MAMSTR: variants seen among roughly 807,000 people sequenced by gnomAD.
The protein encoded by MAMSTR is MEF2 activating motif and SAP domain containing transcriptional regulator, also known as MEF2-activating motif and SAP domain-containing transcriptional regulator.
In MAMSTR, 41 loss-of-function variants were observed where a neutral mutation model predicts 42.7. That is an observed-to-expected ratio of 0.96 (90% confidence interval 0.75 to 1.25). The LOEUF is 1.25. Ranked by LOEUF, MAMSTR falls within the 50% of genes most tolerant of loss-of-function variation. The probability of loss-of-function intolerance (pLI) is 0.00; values close to 1 mark genes in which losing one functional copy is unlikely to be tolerated. For missense variants in MAMSTR, 567 were observed against 557.6 expected (o/e 1.02, Z -0.17); for synonymous variants, 265 against 244.1 (o/e 1.09, Z -0.80).
At chr19:48,715,237 G>T in intron 5 of MAMSTR, 25 bp downstream of exon 5, 5 of 1,559,314 alleles carry the variant, frequency 3.2e-6, no homozygotes, top group East Asian at 4.6e-5. Flanking sequence ...TCTGGGTCCC[G>T]GGAGAACAGA....
At position 48,714,464 on chromosome 19, in the gene MAMSTR, G is replaced by C. The variant is rs767878621; in HGVS notation, c.625C>G (p.Arg209Gly). Residue 209 changes from arginine (R) to glycine (G), a missense_variant, in exon 7 of 10, where the codon CGC becomes GGC. Coordinates refer to ENST00000318083, the MANE Select transcript of MAMSTR (RefSeq NM_001130915.2). ...TCGCGCCGCGGCTTCGGCCGCTCGC[G>C]GGGCGGCGCGCCGCCGCGCATGCGC... ...LERMRGGAPP[R>G]ERPKPRREDS... 1 of 1,357,200 alleles carries C rather than the reference G, an allele frequency of 7.4e-7. No individual in the cohort carries two copies. Among genetic ancestry groups the C allele is most frequent in the African/African-American group, 1.5e-5 (1 of 66,068 alleles). 84.1% of individuals were successfully genotyped at this position (1,357,200 alleles called of 1,614,324 possible).
In MAMSTR at chr19:48,714,020, C is replaced by T. The variant is rs761698803; in HGVS notation, c.749G>A (p.Arg250Lys). Reference protein sequence around the residue: ...GSVKPSAASHRPPLPRAADTP... With the variant: ...GSVKPSAASHKPPLPRAADTP... ...ATCCGCGGCACGTGGAAGAGGTGGCCTGTGAGATGCTGCGCTGGGCTTGAC... is the reference window on the plus strand; with the variant it reads ...ATCCGCGGCACGTGGAAGAGGTGGCTTGTGAGATGCTGCGCTGGGCTTGAC... The change falls in exon 8 of 10, where the codon AGG becomes AAG. Residue 250 changes from arginine to lysine, a missense_variant. Physicochemically the swap from Arg to Lys is conservative, Grantham distance 26 (BLOSUM62 2). Transcript: ENST00000318083. 8 of 1,601,588 alleles carry T rather than the reference C, an allele frequency of 5.0e-6. No individual in the cohort carries two copies. The highest frequency in any genetic ancestry group is 6.8e-6 in the Non-Finnish European group (8 of 1,174,504).
intron 2 of MAMSTR, among the ~76,000 whole-genome samples, chr19:48,718,539 C>T (rs530776458): frequency 6.6e-6 from 1 of 152,164 alleles, no homozygotes; most frequent in African/African-American, 2.4e-5. Context: ...AGGCATGCGC[C>T]ACCACACCCG....
Position 48,713,510 on chromosome 19 carries a change from G to C in MAMSTR, c.1005C>G (p.Phe335Leu), listed in dbSNP as rs564934597. 4.6e-5 allele frequency: 74 copies of C among 1,612,750 alleles called. No homozygotes were observed. The South Asian group carries it at 7.9e-4, about 17-fold the overall frequency. The change falls in exon 10 of 10, where the codon TTC (phenylalanine) becomes TTG (leucine). Residue 335 changes from phenylalanine to leucine, a missense_variant. Transcript: ENST00000318083. ...PPIPLDFPGS[F>L]DVLSPSPDSE... ...AGTCCGGGGAGGGGGACAGCACGTC[G>C]AAGGAGCCAGGGAAGTCCAGGGGAA...
chr19:48,714,428 C>G lies in MAMSTR; in HGVS notation c.661G>C (p.Ala221Pro). The G allele has an allele frequency of 7.2e-7, 1 of 1,383,232 alleles. No homozygotes were observed. Among genetic ancestry groups the G allele is most frequent in the Non-Finnish European group, 9.3e-7 (1 of 1,080,000 alleles). 85.7% of individuals were successfully genotyped at this position (1,383,232 alleles called of 1,614,324 possible). A position where few individuals can be genotyped will look rare whatever the true frequency, so the allele number is the denominator to read the frequency against. ...TTGAGGCGCGGCCAGGGAGCACCCG[C>G]GGGACTGTCCTCGCGCCGCGGCTTC... ...RPKPRREDSP[A>P]GAPWPRLKPK... is the part of the protein sequence containing the mutation. The change falls in exon 7 of 10, where the codon GCG becomes CCG. Residue 221 changes from alanine (A) to proline (P), a missense_variant. Coordinates refer to ENST00000318083, the MANE Select transcript of MAMSTR (RefSeq NM_001130915.2).
At chr19:48,716,675 C>A in intron 3 of MAMSTR, 30 bp downstream of exon 3, 1 of 1,330,428 alleles carries the variant, frequency 7.5e-7, no homozygotes, top group South Asian at 2.1e-5. Context: ...GGGGGGTCAC[C>A]ATCCCCTCCC....
chr19:48,709,242 G>A (rs915927819), downstream of MAMSTR, among the ~76,000 whole-genome samples: 2 of 151,994 alleles, frequency 1.3e-5, no homozygotes, highest in African/African-American at 2.4e-5. Context: ...TCCGCCTCCC[G>A]GATTCAAGTG....
downstream of MAMSTR, among the ~76,000 whole-genome samples, chr19:48,709,921 G>A (rs1212988898): frequency 2.0e-5 from 3 of 152,206 alleles, no homozygotes; most frequent in African/African-American, 7.2e-5. Context: ...CCAGGCTGGA[G>A]TGCAGTGGCG....
chr19:48,708,638 G>A (rs539787334), downstream of MAMSTR, among the ~76,000 whole-genome samples: 3 of 152,156 alleles, frequency 2.0e-5, no homozygotes, highest in Non-Finnish European at 4.4e-5. Context: ...CCACCAAGCC[G>A]GCTTCCTGGC....
At chr19:48,711,284 G>A (rs913415706), downstream of MAMSTR, among the ~76,000 whole-genome samples, 5 of 152,146 alleles carry the variant, frequency 3.3e-5, no homozygotes, top group Admixed American at 6.6e-5. Flanking sequence ...CGGGGGAGAG[G>A]CCACAGAGGA....
Position 48,713,192 on chromosome 19 carries a change from G to T in MAMSTR, c.*75C>A. The T allele has an allele frequency of 7.2e-7, 1 of 1,390,444 alleles. No homozygotes were observed. The highest frequency in any genetic ancestry group is 1.5e-5 in the South Asian group (1 of 68,270). 86.1% of individuals were successfully genotyped at this position (1,390,444 alleles called of 1,614,324 possible). A position where few individuals can be genotyped will look rare whatever the true frequency, so the allele number is the denominator to read the frequency against. The stretch of plus-strand genomic sequence containing the variant: ...GTCTGCGGTAGGAGGGGCTCTGCTG[G>T]TAGTTCCCTCTCCTCCCACAAGGAG... On this transcript the variant is annotated 3_prime_UTR_variant, in exon 10 of 10. Coordinates refer to ENST00000318083, the MANE Select transcript of MAMSTR (RefSeq NM_001130915.2).
At chr19:48,714,191 G>T in intron 7 of MAMSTR, 146 bp from the exon 8 acceptor site, 1 of 1,056,064 alleles carries the variant, frequency 9.5e-7, no homozygotes. Flanking sequence ...TCTTTCATTG[G>T]CTCCTCTTCT....
Position 48,713,536 on chromosome 19 carries a change from T to C in MAMSTR, c.979A>G (p.Ile327Val). 1 of 1,610,380 alleles carries C rather than the reference T, an allele frequency of 6.2e-7. No individual in the cohort carries two copies. The change falls in exon 10 of 10, where the codon ATT becomes GTT. Residue 327 changes from isoleucine to valine, a missense_variant. Ile to Val is a conservative substitution (Grantham distance 29). Coordinates refer to ENST00000318083, the MANE Select transcript of MAMSTR (RefSeq NM_001130915.2). ...QVEPDDPLPP[I>V]PLDFPGSFDV... is the part of the protein sequence containing the mutation. ...AAGGAGCCAGGGAAGTCCAGGGGAA[T>C]AGGGGGCAGGGGGTCTGCGGGATAA...
chr19:48,710,551 A>G (rs1443132939), downstream of MAMSTR, among the ~76,000 whole-genome samples: 5 of 150,704 alleles, frequency 3.3e-5, no homozygotes, highest in African/African-American at 4.9e-5. Flanking sequence ...CCTCCAGAGT[A>G]GCTGGGACTA....
downstream of MAMSTR, among the ~76,000 whole-genome samples, chr19:48,707,851 G>GAAAGAAAGA (rs1049527424): frequency 1.1e-5 from 1 of 88,288 alleles, no homozygotes; most frequent in African/African-American, 5.0e-5. Flanking sequence ...AAGAAAGAAA[G>GAAAGAAAGA]AAAGAAAGAA....
intron 2 of MAMSTR, 138 bp downstream of exon 2, chr19:48,718,836 C>A: frequency 1.2e-6 from 1 of 820,230 alleles, no homozygotes. Flanking sequence ...GACCCCTGTG[C>A]TTGGGCCTCC....
At chr19:48,711,559 G>GT (rs369222131), downstream of MAMSTR, among the ~76,000 whole-genome samples, 2 of 150,312 alleles carry the variant, frequency 1.3e-5, no homozygotes, top group Non-Finnish European at 3.0e-5. Flanking sequence ...GTGGGTTTTT[G>GT]TTGTTTGTTT....
chr19:48,714,261 G>A, intron 7 of MAMSTR, 105 bp downstream of exon 7: 2 of 1,078,400 alleles, frequency 1.9e-6, no homozygotes, highest in Non-Finnish European at 2.5e-6. Context: ...GCTTCCTACC[G>A]CTGGTCCTCG....
Position 48,718,978 on chromosome 19 carries a change from T to TC in MAMSTR, c.53dup (p.Ser19IlefsTer124). 4.5e-6 allele frequency: 7 copies of TC among 1,547,212 alleles called. No homozygotes were observed. Among genetic ancestry groups the TC allele is most frequent in the Non-Finnish European group, 6.1e-6 (7 of 1,144,452 alleles). ...ATAAAGAGAGCCCTCTCTCACCAGA[T>TC]CGGAACTTGGAGCGAATGATTTGGG... On this transcript the variant is annotated frameshift_variant, in exon 2 of 10. Coordinates refer to ENST00000318083, the MANE Select transcript of MAMSTR (RefSeq NM_001130915.2). LOFTEE classifies it high-confidence loss of function.
Sources: gnomAD v4.1 joint callset for allele counts (sites outside exome capture counted in the v4.1 genomes callset) on GRCh38, gnomAD v4.1.1 for gene constraint, MANE v1.5 for transcripts, NCBI Gene and HGNC (gene_info 2026-07-23, HGNC 2026-07-21) for gene names.